Variants in ETS1 observed in about 807,000 individuals in gnomAD.
ETS1 encodes the protein ETS proto-oncogene 1, transcription factor, also known as protein C-ets-1.
A neutral mutation model predicts 58.6 loss-of-function variants in ETS1; 15 were observed. The ratio of observed to expected loss-of-function variants is 0.26; its 90% CI spans 0.17 to 0.39. ETS1 has a LOEUF of 0.39. Ranked by LOEUF, ETS1 falls within the 10% of genes least tolerant of loss-of-function variation. ETS1 has a pLI of 1.00. For synonymous variants in ETS1, 214 were observed against 218.2 expected (o/e 0.98, Z 0.17); for missense variants, 417 against 610.5 (o/e 0.68, Z 3.34).
intron 3 of ETS1, among the ~76,000 whole-genome samples, chr11:128,536,197 C>G (rs185881337): frequency 1.3e-5 from 2 of 152,268 alleles, no homozygotes; most frequent in Non-Finnish European, 2.9e-5. Context: ...TTTGTCTCCT[C>G]CAGATGCAGC....
intron 2 of ETS1, among the ~76,000 whole-genome samples, chr11:128,566,351 T>C (rs1864494437): frequency 6.6e-6 from 1 of 152,186 alleles, no homozygotes; most frequent in East Asian, 1.9e-4. Context: ...AGGTCATCTT[T>C]GTGGAGGCGC....
At chr11:128,563,238 A>G (rs1219936368) in intron 2 of ETS1, among the ~76,000 whole-genome samples, 1 of 152,198 alleles carries the variant, frequency 6.6e-6, no homozygotes. Context: ...TAAACATGTA[A>G]GACACTATAC....
chr11:128,568,986 G>A lies in ETS1; in HGVS notation c.69+4076C>T, dbSNP rs1007583365. Among the ~76,000 whole-genome samples the A allele has an allele frequency of 7.9e-5, 12 of 152,308 alleles. No homozygotes were observed. In the East Asian group the frequency reaches 1.4e-3, roughly 17 times the overall value. On this transcript the variant is annotated intron_variant, in intron 2 of 9. Transcript: ENST00000392668. ...AATAATTTACTAGTAACCAAGACCT[G>A]CTTAGAGCAGTCTGTACACACAGTC...
chr11:128,487,466 C>T (rs1329865011), intron 5 of ETS1, among the ~76,000 whole-genome samples: 5 of 152,126 alleles, frequency 3.3e-5, no homozygotes, highest in East Asian at 3.8e-4. Context: ...TGAGGGCAGG[C>T]GCGGTGGCTC....
intron 1 of ETS1, among the ~76,000 whole-genome samples, chr11:128,574,373 T>C (rs1196184353): frequency 6.6e-6 from 1 of 152,198 alleles, no homozygotes; most frequent in East Asian, 1.9e-4. Flanking sequence ...TTTAAAAAAT[T>C]AACTAAGGGT....
chr11:128,542,242 C>T (rs547049237), intron 3 of ETS1, among the ~76,000 whole-genome samples: 4 of 152,246 alleles, frequency 2.6e-5, no homozygotes, highest in East Asian at 1.9e-4. Context: ...TATATATAAC[C>T]ATTATGAACA....
At chr11:128,501,780 C>T (rs939318915) in intron 3 of ETS1, among the ~76,000 whole-genome samples, 1 of 152,218 alleles carries the variant, frequency 6.6e-6, no homozygotes, top group African/African-American at 2.4e-5. Context: ...ATCCACATAT[C>T]TTTGTCTTGA....
At chr11:128,501,872 A>T (rs1340270263) in intron 3 of ETS1, among the ~76,000 whole-genome samples, 1 of 152,208 alleles carries the variant, frequency 6.6e-6, no homozygotes, top group East Asian at 1.9e-4. Context: ...TTGGTCTCCC[A>T]CTTGTGGAGC....
At chr11:128,488,784 G>T (rs567393681) in intron 5 of ETS1, among the ~76,000 whole-genome samples, 106 of 152,182 alleles carry the variant, frequency 7.0e-4, no homozygotes, top group African/African-American at 2.5e-3. Context: ...AGATGTAAAA[G>T]GTATGATGCA....
At chr11:128,508,803 G>A (rs190049419) in intron 3 of ETS1, among the ~76,000 whole-genome samples, 15 of 152,332 alleles carry the variant, frequency 9.8e-5, no homozygotes, top group Admixed American at 7.2e-4. Flanking sequence ...TGACTAGCTC[G>A]TGTAGGCAGA....
At chr11:128,489,896 T>C (rs1004690900) in intron 4 of ETS1, among the ~76,000 whole-genome samples, 10 of 152,236 alleles carry the variant, frequency 6.6e-5, no homozygotes, top group Non-Finnish European at 1.0e-4. Flanking sequence ...TTAACTATAA[T>C]ATACTTGAGA....
At chr11:128,510,210 T>C (rs530370236) in intron 3 of ETS1, among the ~76,000 whole-genome samples, 10 of 152,360 alleles carry the variant, frequency 6.6e-5, no homozygotes, top group Middle Eastern at 3.4e-3. Flanking sequence ...CCCACTAATT[T>C]AATAACACTC....
intron 3 of ETS1, among the ~76,000 whole-genome samples, chr11:128,509,938 G>A (rs1863348136): frequency 6.6e-6 from 1 of 152,194 alleles, no homozygotes; most frequent in Non-Finnish European, 1.5e-5. Flanking sequence ...AAAGCACATT[G>A]CAAAGTATCT....
chr11:128,499,620 T>C (rs551743367), intron 3 of ETS1, among the ~76,000 whole-genome samples: 86 of 152,328 alleles, frequency 5.6e-4, no homozygotes, highest in Non-Finnish European at 8.5e-4. Context: ...TGATGGGGCA[T>C]GATAACATTT....
At position 128,486,079 on chromosome 11, in the gene ETS1, A is replaced by T. The variant is rs1403448870; in HGVS notation, c.603T>A (p.Asp201Glu). ...PAYPESRYTS[D>E]YFISYGIEHA... ...TAGAAATGAACTTACTAATGAAGTAATCCGAGGTATAGCGGGATTCTGGAT... is the reference window on the plus strand; with the variant it reads ...TAGAAATGAACTTACTAATGAAGTATTCCGAGGTATAGCGGGATTCTGGAT... The change falls in exon 6 of 10, where the codon GAT becomes GAA. Residue 201 changes from aspartate to glutamate, a missense_variant. By Grantham distance (45) the Asp-to-Glu change is conservative. Transcript: ENST00000392668. 5 of 1,606,830 alleles carry T rather than the reference A, an allele frequency of 3.1e-6. No homozygotes were observed. Among genetic ancestry groups the T allele is most frequent in the Non-Finnish European group, 4.3e-6 (5 of 1,173,406 alleles).
chr11:128,469,099 C>A (rs1355657912), intron 8 of ETS1, among the ~76,000 whole-genome samples: 1 of 152,192 alleles, frequency 6.6e-6, no homozygotes, highest in Non-Finnish European at 1.5e-5. Flanking sequence ...TATGGGTGAC[C>A]CTCAGGCTGC....
intron 5 of ETS1, among the ~76,000 whole-genome samples, chr11:128,486,528 C>T (rs1334723536): frequency 6.6e-6 from 1 of 152,210 alleles, no homozygotes; most frequent in South Asian, 2.1e-4. Context: ...CCCCAACCCC[C>T]AAACTAATCA....
intron 3 of ETS1, among the ~76,000 whole-genome samples, chr11:128,524,933 A>T (rs1367986646): frequency 6.6e-6 from 1 of 152,122 alleles, no homozygotes; most frequent in Non-Finnish European, 1.5e-5. Flanking sequence ...TGTATGCCTC[A>T]GTGTCCCCAC....
intron 3 of ETS1, among the ~76,000 whole-genome samples, chr11:128,518,806 G>A (rs987441481): frequency 6.6e-6 from 1 of 152,318 alleles, no homozygotes; most frequent in Non-Finnish European, 1.5e-5. Context: ...TAAGTATAAC[G>A]CATGTTCCCG....
Sources: gnomAD v4.1 joint callset for allele counts (sites outside exome capture counted in the v4.1 genomes callset) on GRCh38, gnomAD v4.1.1 for gene constraint, MANE v1.5 for transcripts, NCBI Gene and HGNC (gene_info 2026-07-23, HGNC 2026-07-21) for gene names.